The following NUP160 variants were observed in gnomAD, a reference collection of about 807,000 sequenced individuals.
NUP160 encodes nuclear pore complex protein Nup160.
NUP160 carries 94 observed loss-of-function variants against 196.9 expected under a neutral mutation model. The observed-to-expected ratio is 0.48, with a 90% CI of 0.40 to 0.57. The LOEUF (loss-of-function observed/expected upper bound fraction) is 0.57. Ranked by LOEUF, NUP160 falls within the 20% of genes least tolerant of loss-of-function variation. NUP160 has a pLI of 0.00. For synonymous variants in NUP160, 605 were observed against 619.7 expected (o/e 0.98, Z 0.35); for missense variants, 1,638 against 1,748.3 (o/e 0.94, Z 1.13).
At chr11:47,836,749 ACTGT>A in intron 6 of NUP160, 134 bp downstream of exon 6, 1 of 541,240 alleles carries the variant, frequency 1.8e-6, no homozygotes, top group Non-Finnish European at 3.3e-6. Context: ...GCTAAATGAA[ACTGT>A]CTGAATCTGG....
intron 27 of NUP160, chr11:47,796,173 A>AT: frequency 5.0e-5 from 14 of 280,736 alleles, no homozygotes; most frequent in East Asian, 1.2e-4. Context: ...AAAAAAAAAA[A>AT]GGAGCAGCTG....
intron 14 of NUP160, 42 bp from the exon 15 acceptor site, chr11:47,813,089 G>T: frequency 7.3e-7 from 1 of 1,370,806 alleles, no homozygotes; most frequent in Non-Finnish European, 1.0e-6. Context: ...TTAAGCCAAT[G>T]ACAATCTATT....
At position 47,813,423 on chromosome 11, in the gene NUP160, T is replaced by C. The variant is rs760825020; in HGVS notation, c.1687-8A>G. 1.9e-6 allele frequency: 3 copies of C among 1,563,790 alleles called. No homozygotes were observed. The highest frequency in any genetic ancestry group is 1.7e-5 in the Admixed American group (1 of 58,968). On this transcript the variant is annotated splice_polypyrimidine_tract_variant and splice_region_variant and intron_variant, in intron 13 of 35. Transcript: ENST00000378460. ...AAGGAAAGACAGGTACCCCTGGAAA[T>C]ACAAATTTTCCAGTTACATTTTTGT...
chr11:47,840,305 A>G (rs74873109), intron 3 of NUP160, 73 bp downstream of exon 3: 72,421 of 1,319,900 alleles, frequency 0.055, 2,294 homozygotes, highest in Non-Finnish European at 0.063. Context: ...TCCAAAAGAC[A>G]TCGCTCCAGC....
At position 47,799,096 on chromosome 11, in the gene NUP160, CT is replaced by C. The variant is rs564236369; in HGVS notation, c.2896-634del. 8.9e-3 allele frequency among the ~76,000 whole-genome samples: 1,298 copies of C among 146,162 alleles called. 18 individuals are homozygous for C. Among genetic ancestry groups the C allele is most frequent in the African/African-American group, 0.028 (1,135 of 40,226 alleles). On this transcript the variant is annotated intron_variant, in intron 23 of 35. Transcript: ENST00000378460. The stretch of plus-strand genomic sequence containing the variant: ...AATTTACTAAATGACTGACATAATC[CT>C]TTTTTTTTTTGAGACAGGGTCTCTG...
intron 21 of NUP160, chr11:47,804,254 ATC>A (rs1565194364): frequency 7.2e-6 from 2 of 277,826 alleles, no homozygotes; most frequent in East Asian, 7.9e-5. Flanking sequence ...GTAGAGAAAA[ATC>A]TCTCTCTTTA....
Position 47,819,348 on chromosome 11 carries a change from TATATAAC to T in NUP160, c.1362+19_1362+25del. The T allele has an allele frequency of 6.9e-7, 1 of 1,448,742 alleles. No individual in the cohort carries two copies. The allele number at this position is 1,448,742 out of a possible 1,614,324, so 89.7% of individuals were successfully genotyped here. On this transcript the variant is annotated intron_variant, in intron 10 of 35. Transcript: ENST00000378460. ...AAAAGATCAAAGTAAATCATTCCCT[TATATAAC>T]ATTTGAGCATCTACTTACTCTGGGG...
chr11:47,813,450 A>C (rs1272299387), intron 13 of NUP160, 35 bp from the exon 14 acceptor site: 9 of 1,418,068 alleles, frequency 6.3e-6, no homozygotes, highest in African/African-American at 1.4e-5. Context: ...CATTTTTGTC[A>C]GTAAAATTTT....
intron 1 of NUP160, 69 bp downstream of exon 1, chr11:47,848,150 G>T: frequency 6.5e-7 from 1 of 1,548,342 alleles, no homozygotes; most frequent in Non-Finnish European, 8.9e-7. Context: ...GGGCGTCAGG[G>T]ACCCTGGGAC....
At chr11:47,784,353 C>T (rs967963277) in intron 33 of NUP160, among the ~76,000 whole-genome samples, 1 of 152,182 alleles carries the variant, frequency 6.6e-6, no homozygotes, top group Non-Finnish European at 1.5e-5. Context: ...AGGAACCAAT[C>T]GGAAACTGGT....
intron 7 of NUP160, among the ~76,000 whole-genome samples, chr11:47,824,874 C>T (rs971954989): frequency 8.6e-5 from 13 of 151,672 alleles, no homozygotes; most frequent in South Asian, 6.2e-4. Flanking sequence ...CTCGCACTGT[C>T]GCCCAGGCTG....
At chr11:47,842,987 T>TA (rs564365480) in intron 2 of NUP160, among the ~76,000 whole-genome samples, 52 of 150,894 alleles carry the variant, frequency 3.4e-4, no homozygotes, top group African/African-American at 9.0e-4. Context: ...ACTCTGACTC[T>TA]AAAAAAAAAC....
intron 34 of NUP160, among the ~76,000 whole-genome samples, chr11:47,782,298 AAAAAAATATATAT>A (rs1306783454): frequency 5.1e-4 from 27 of 53,264 alleles, no homozygotes; most frequent in South Asian, 1.5e-3. Flanking sequence ...TTAAAAAAAA[AAAAAAATATATAT>A]ATATATATAT....
chr11:47,782,287 GT>G, intron 34 of NUP160, among the ~76,000 whole-genome samples: 1 of 44,298 alleles, frequency 2.3e-5, no homozygotes, highest in Admixed American at 2.4e-4. Context: ...GCAAAACTCA[GT>G]TAAAAAAAAA....
chr11:47,848,403 T>G lies in NUP160; in HGVS notation c.18A>C (p.Ala6=), dbSNP rs979564696. 4.4e-6 allele frequency: 7 copies of G among 1,587,584 alleles called. No homozygotes were observed. In the African/African-American group the frequency reaches 9.4e-5, roughly 21 times the overall value. ...CTTCCGGGGGTGGGGCGGGCGGAGC[T>G]GCGGACAGGTGAAGCATTCCGGGAG... The change falls in exon 1 of 36, where the codon GCA becomes GCC. Residue 6 remains alanine (A), a synonymous_variant. Coordinates refer to ENST00000378460, the Ensembl canonical transcript of NUP160.
intron 6 of NUP160, among the ~76,000 whole-genome samples, chr11:47,836,602 G>A (rs1355763985): frequency 6.6e-6 from 1 of 151,944 alleles, no homozygotes; most frequent in African/African-American, 2.4e-5. Flanking sequence ...GACAAAGTGA[G>A]ACTGTTTCAA....
chr11:47,788,748 A>C (rs1173063880), intron 29 of NUP160, 137 bp from the exon 30 acceptor site: 1 of 620,526 alleles, frequency 1.6e-6, no homozygotes. Context: ...AGGAGAAAAT[A>C]GGGCACTAAA....
At chr11:47,782,311 T>C (rs1287716446) in intron 34 of NUP160, among the ~76,000 whole-genome samples, 4 of 8,046 alleles carry the variant, frequency 5.0e-4, no homozygotes, top group Non-Finnish European at 4.3e-4. Context: ...AAAATATATA[T>C]ATATATATAT....
At chr11:47,808,580 T>C (rs963870325) in intron 17 of NUP160, 51 bp from the exon 18 acceptor site, 2 of 1,510,142 alleles carry the variant, frequency 1.3e-6, no homozygotes, top group Non-Finnish European at 1.8e-6. Flanking sequence ...CAATTAGTAA[T>C]GGTAACTCTT....
Sources: allele counts gnomAD v4.1 joint callset (sites outside exome capture counted in the v4.1 genomes callset), GRCh38; gene constraint gnomAD v4.1.1; transcripts MANE v1.5; gene names NCBI Gene and HGNC (gene_info 2026-07-23, HGNC 2026-07-21).